Variants in AGAP1 observed in about 807,000 individuals in gnomAD.
AGAP1 encodes ArfGAP with GTPase domain, ankyrin repeat and PH domain 1, also known as arf-GAP with GTPase, ANK repeat and PH domain-containing protein 1.
A neutral mutation model predicts 105.3 loss-of-function variants in AGAP1; 29 were observed. That is an observed-to-expected ratio of 0.28 (90% confidence interval 0.21 to 0.38). The LOEUF (loss-of-function observed/expected upper bound fraction) is 0.38, where lower values mean the gene tolerates loss of function less well. Among genes scored for constraint, AGAP1 ranks in the 10% least tolerant of loss-of-function variants. The pLI is 1.00. For missense variants in AGAP1, 998 were observed against 1,165.1 expected (o/e 0.86, Z 2.09); for synonymous variants, 509 against 485.9 (o/e 1.05, Z -0.63).
At chr2:236,013,959 G>A (rs117265601) in intron 13 of AGAP1, among the ~76,000 whole-genome samples, 1 of 152,206 alleles carries the variant, frequency 6.6e-6, no homozygotes, top group Non-Finnish European at 1.5e-5. Flanking sequence ...AGTTGGGAGG[G>A]TAAGGGCCTG....
chr2:235,999,961 G>T (rs2056042465), intron 13 of AGAP1, among the ~76,000 whole-genome samples: 1 of 152,104 alleles, frequency 6.6e-6, no homozygotes, highest in African/African-American at 2.4e-5. Flanking sequence ...ATAGTCATGA[G>T]TTCCGAATAG....
chr2:235,828,242 C>G (rs1959168641), intron 9 of AGAP1, among the ~76,000 whole-genome samples: 2 of 152,264 alleles, frequency 1.3e-5, no homozygotes, highest in South Asian at 4.2e-4. Flanking sequence ...TAGGCCGACC[C>G]CTTTCTGTGG....
chr2:236,068,999 T>A (rs2058426209), intron 16 of AGAP1, among the ~76,000 whole-genome samples: 1 of 150,836 alleles, frequency 6.6e-6, no homozygotes, highest in South Asian at 2.1e-4. Context: ...TGGTGGTGCA[T>A]GCCTGTAATC....
intron 1 of AGAP1, among the ~76,000 whole-genome samples, chr2:235,547,839 G>A (rs553992702): frequency 9.2e-5 from 14 of 152,308 alleles, no homozygotes; most frequent in Non-Finnish European, 1.3e-4. Flanking sequence ...CCTTGCTCCC[G>A]TGAGAAGCTG....
In AGAP1 at chr2:235,494,074, G is replaced by GGGCAGGC. The variant is rs1419435613; in HGVS notation, c.-609_-603dup. 2 of 146,184 alleles carry GGGCAGGC rather than the reference G, an allele frequency of 1.4e-5. No homozygotes were observed. Among genetic ancestry groups the GGGCAGGC allele is most frequent in the Non-Finnish European group, 3.1e-5 (2 of 65,536 alleles). 9.1% of individuals were successfully genotyped at this position (146,184 alleles called of 1,614,324 possible). A position where few individuals can be genotyped will look rare whatever the true frequency, so the allele number is the denominator to read the frequency against. On this transcript the variant is annotated 5_prime_UTR_variant, in exon 1 of 18. Coordinates refer to ENST00000304032, the MANE Select transcript of AGAP1 (RefSeq NM_001037131.3). ...CTGCGTGCCAGGGAGGGGGCCGGCC[G>GGGCAGGC]GGCAGGCGGCGGGCGGCGCTCGGAG...
intron 5 of AGAP1, among the ~76,000 whole-genome samples, chr2:235,748,777 C>T (rs923324985): frequency 2.0e-5 from 3 of 152,292 alleles, no homozygotes; most frequent in African/African-American, 7.2e-5. Flanking sequence ...CAAAGGTGGT[C>T]GCTCTGTTGT....
In AGAP1 at chr2:235,882,442, G is replaced by C. The variant is rs552742712; in HGVS notation, c.1051-903G>C. 236 of 1,587,016 alleles carry C rather than the reference G, an allele frequency of 1.5e-4. 1 individual carries two copies. The African/African-American group carries it at 2.9e-3, about 19-fold the overall frequency. On this transcript the variant is annotated intron_variant, in intron 9 of 17. Coordinates refer to ENST00000304032, the MANE Select transcript of AGAP1 (RefSeq NM_001037131.3). The surrounding 1 kb of genome is among the most constrained non-coding windows in gnomAD (Gnocchi z 4.6). ...TTCTCCTGCGTCTCCGTTTTCTTCA[G>C]CTTGGCCCTATTGAAGCTGGCGATT...
At chr2:235,704,435 C>CA (rs1950420431) in intron 1 of AGAP1, among the ~76,000 whole-genome samples, 2 of 152,176 alleles carry the variant, frequency 1.3e-5, no homozygotes, top group Non-Finnish European at 2.9e-5. Flanking sequence ...ATCACGAGGT[C>CA]AGGAGATCGA....
At chr2:236,052,916 T>G (rs2057946621) in intron 16 of AGAP1, among the ~76,000 whole-genome samples, 1 of 152,140 alleles carries the variant, frequency 6.6e-6, no homozygotes, top group Non-Finnish European at 1.5e-5. Flanking sequence ...ACTTAAAATA[T>G]CGATTTTAAG....
intron 13 of AGAP1, among the ~76,000 whole-genome samples, chr2:236,033,904 T>C (rs1447608758): frequency 1.3e-5 from 2 of 152,220 alleles, no homozygotes; most frequent in African/African-American, 4.8e-5. Flanking sequence ...CACTAGAAGA[T>C]CCAATAAATG....
Position 235,623,665 on chromosome 2 carries a change from T to A in AGAP1, c.164-85514T>A, listed in dbSNP as rs541419817. Among the ~76,000 whole-genome samples the A allele has an allele frequency of 2.6e-5, 4 of 152,312 alleles. No homozygotes were observed. The South Asian group carries it at 8.3e-4, about 32-fold the overall frequency. On this transcript the variant is annotated intron_variant, in intron 1 of 17. Coordinates refer to ENST00000304032, the MANE Select transcript of AGAP1 (RefSeq NM_001037131.3). The surrounding 1 kb of genome is among the most constrained non-coding windows in gnomAD (Gnocchi z 4.5). ...GCAGGTCTGTGATGCAGTTGCCATA[T>A]ATTTTTTGACTTTTGGATCTTCACT...
At chr2:235,880,214 G>A (rs1020413877) in intron 9 of AGAP1, among the ~76,000 whole-genome samples, 2 of 151,556 alleles carry the variant, frequency 1.3e-5, no homozygotes, top group African/African-American at 2.4e-5. Context: ...AGTCCTCGTA[G>A]CCTTCACTGG....
rs1042222067 is a variant in AGAP1, at chr2:236,031,873, A to G, written c.1646-4688A>G. On this transcript the variant is annotated intron_variant, in intron 13 of 17. Transcript: ENST00000304032. ...TGCCTGCTGGCCACCACCCTGAGTG[A>G]TAGAGACAGGACCACCTCCCCACCA... is the stretch of plus-strand genomic sequence containing the variant. Among the ~76,000 whole-genome samples, 4 of 152,144 alleles carry G rather than the reference A, an allele frequency of 2.6e-5. No individual in the cohort carries two copies. In the East Asian group the frequency reaches 7.7e-4, roughly 29 times the overall value.
chr2:235,524,009 G>A (rs1292454292), intron 1 of AGAP1, among the ~76,000 whole-genome samples: 1 of 152,214 alleles, frequency 6.6e-6, no homozygotes, highest in African/African-American at 2.4e-5. Context: ...GACCTGGCCA[G>A]GGTGTGGGAT....
chr2:235,817,993 G>A (rs1330653622), intron 9 of AGAP1, among the ~76,000 whole-genome samples: 1 of 152,228 alleles, frequency 6.6e-6, no homozygotes, highest in Non-Finnish European at 1.5e-5. Context: ...GGTGAAAACA[G>A]AAACATTTCA....
At position 235,728,799 on chromosome 2, in the gene AGAP1, G is replaced by A. The variant is rs975462355; in HGVS notation, c.310+11155G>A. On this transcript the variant is annotated intron_variant, in intron 3 of 17. Transcript: ENST00000304032. The surrounding 1 kb of genome is among the most constrained non-coding windows in gnomAD (Gnocchi z 4.3). ...CCTAGTGGAGCAAGAGCGGGGCGGG[G>A]AGGAGGGGAAGCCAGCCTGCAGCAT... Among the ~76,000 whole-genome samples, 1 of 152,320 alleles carries A rather than the reference G, an allele frequency of 6.6e-6. No homozygotes were observed. The highest frequency in any genetic ancestry group is 1.5e-5 in the Non-Finnish European group (1 of 68,036).
rs1952278225 is a variant in AGAP1 at position 235,736,749 on chromosome 2, G to T, written c.311-4214G>T. 6.6e-6 allele frequency among the ~76,000 whole-genome samples: 1 copy of T among 152,190 alleles called. No homozygotes were observed. On this transcript the variant is annotated intron_variant, in intron 3 of 17. Coordinates refer to ENST00000304032, the MANE Select transcript of AGAP1 (RefSeq NM_001037131.3). This position sits in a 1 kb window ranked among gnomAD's most constrained non-coding sequence, Gnocchi z 5.5. ...CAGCTACTCAGGGAGGCTGAGGTGG[G>T]AGGATCTTTTGAGCCTAGGCAGTCG...
In AGAP1 at chr2:236,019,696, G is replaced by A. The variant is rs542509633; in HGVS notation, c.1646-16865G>A. 3.7e-3 allele frequency among the ~76,000 whole-genome samples: 567 copies of A among 152,318 alleles called. 2 individuals are homozygous for A. The highest frequency in any genetic ancestry group is 4.1e-3 in the Non-Finnish European group (279 of 68,026). ...TAGGCTTGAGTGTGAGGTGTGTGCCGAGGATTCTTTTGGGACCAGTACCAG... is the reference window on the plus strand; with the variant it reads ...TAGGCTTGAGTGTGAGGTGTGTGCCAAGGATTCTTTTGGGACCAGTACCAG... On this transcript the variant is annotated intron_variant, in intron 13 of 17. Coordinates refer to ENST00000304032, the MANE Select transcript of AGAP1 (RefSeq NM_001037131.3).
Position 235,993,762 on chromosome 2 carries a change from T to G in AGAP1, c.1645+25139T>G, listed in dbSNP as rs559878714. On this transcript the variant is annotated intron_variant, in intron 13 of 17. Transcript: ENST00000304032. This position sits in a 1 kb window ranked among gnomAD's most constrained non-coding sequence, Gnocchi z 5.0. Reference sequence around the variant, plus strand: ...TTACCAAACCAGCTATGCCACGCCCTTCTGCTTTGGCTGTGTAGATGCTGT... The same window carrying G: ...TTACCAAACCAGCTATGCCACGCCCGTCTGCTTTGGCTGTGTAGATGCTGT... 6.6e-6 allele frequency among the ~76,000 whole-genome samples: 1 copy of G among 152,300 alleles called. No individual in the cohort carries two copies. Among genetic ancestry groups the G allele is most frequent in the East Asian group, 1.9e-4 (1 of 5,176 alleles).
Sources: gnomAD v4.1 joint callset for allele counts (sites outside exome capture counted in the v4.1 genomes callset) on GRCh38, gnomAD v4.1.1 for gene constraint, Gnocchi (gnomAD v3.1) non-coding constraint, MANE v1.5 for transcripts, NCBI Gene and HGNC (gene_info 2026-07-23, HGNC 2026-07-21) for gene names.